The following SLC35A5 variants were observed in gnomAD, a reference collection of about 807,000 sequenced individuals.
SLC35A5 encodes solute carrier family 35 member A5.
Under a neutral mutation model 36.3 loss-of-function variants are expected in SLC35A5, and 28 were observed. The observed-to-expected ratio is 0.77, with a 90% confidence interval of 0.57 to 1.06. The LOEUF (loss-of-function observed/expected upper bound fraction) is 1.06, where lower values mean the gene tolerates loss of function less well. Ranked by LOEUF, SLC35A5 falls within the 50% of genes least tolerant of loss-of-function variation. SLC35A5 has a pLI of 0.00. For synonymous variants in SLC35A5, 180 were observed against 173.7 expected (o/e 1.04, Z -0.29); for missense variants, 521 against 499.3 (o/e 1.04, Z -0.41).
intron 3 of SLC35A5, among the ~76,000 whole-genome samples, chr3:112,569,689 T>A (rs1934355422): frequency 6.6e-6 from 1 of 152,232 alleles, no homozygotes; most frequent in Non-Finnish European, 1.5e-5. Context: ...GGGCAGATTA[T>A]TTTCTCTGAG....
At chr3:112,574,022 TA>T in intron 5 of SLC35A5, 66 bp downstream of exon 5, 1 of 1,349,972 alleles carries the variant, frequency 7.4e-7, no homozygotes, top group Non-Finnish European at 1.1e-6. Flanking sequence ...TCAAATGATA[TA>T]CCCAGAACAC....
In SLC35A5 at chr3:112,582,733, C is replaced by G. The variant is rs1184844563; in HGVS notation, c.1272C>G (p.Phe424Leu). 1 of 1,610,820 alleles carries G rather than the reference C, an allele frequency of 6.2e-7. No individual in the cohort carries two copies. The highest frequency in any genetic ancestry group is 2.2e-5 in the East Asian group (1 of 44,788). ...PKSDESDEDT[F>L] The stretch of plus-strand genomic sequence containing the variant: ...GTGATGAGTCAGATGAAGATACTTT[C>G]TAACTGGTACCCACATAGTTTGCAG... Residue 424 changes from phenylalanine to leucine, a missense_variant, in exon 7 of 7, where the codon TTC (phenylalanine) becomes TTG (leucine). By Grantham distance (22) the Phe-to-Leu change is conservative. Transcript: ENST00000492406.
chr3:112,561,572 T>A, upstream of SLC35A5: 1 of 1,587,030 alleles, frequency 6.3e-7, no homozygotes, highest in South Asian at 1.1e-5. Flanking sequence ...GGATGGAAAG[T>A]GCAGCCGTGT....
Position 112,581,288 on chromosome 3 carries a change from C to T in SLC35A5, c.1171C>T (p.Arg391Ter), listed in dbSNP as rs1288024958. 4 of 1,612,156 alleles carry T rather than the reference C, an allele frequency of 2.5e-6. No individual in the cohort carries two copies. Among genetic ancestry groups the T allele is most frequent in the Middle Eastern group, 1.7e-4 (1 of 6,048 alleles). The change falls in exon 6 of 7, where the codon CGA becomes TGA. Residue 391 changes from arginine (R) to a stop codon, truncating the protein, a stop_gained. Coordinates refer to ENST00000492406, the MANE Select transcript of SLC35A5 (RefSeq NM_017945.5). LOFTEE classifies it high-confidence loss of function. The part of the protein sequence containing the change: ...PEYAPRQERI[R>*]DLSGNLWERS... Reference sequence around the variant, plus strand: ...ATACGCACCTAGGCAAGAAAGGATCCGAGATCTAAGTGGCAATCTTTGGGA... The same window carrying T: ...ATACGCACCTAGGCAAGAAAGGATCTGAGATCTAAGTGGCAATCTTTGGGA...
At chr3:112,561,859 C>G (rs2399431), upstream of SLC35A5, 313,644 of 319,256 alleles carry the variant, frequency 0.98, 154,108 homozygotes, top group Admixed American at 0.99. Flanking sequence ...TCGCCCTCTG[C>G]GAGCTGTCTG....
chr3:112,566,876 G>A (rs1017154657), intron 2 of SLC35A5, among the ~76,000 whole-genome samples: 2 of 152,154 alleles, frequency 1.3e-5, no homozygotes, highest in Admixed American at 6.5e-5. Flanking sequence ...TTTCAGATGC[G>A]AGAGTTTTGA....
intron 4 of SLC35A5, among the ~76,000 whole-genome samples, chr3:112,573,273 A>G (rs975151720): frequency 4.6e-5 from 7 of 152,220 alleles, no homozygotes; most frequent in African/African-American, 1.2e-4. Flanking sequence ...TAATGTATAC[A>G]TGTTCAGATT....
intron 5 of SLC35A5, among the ~76,000 whole-genome samples, chr3:112,575,370 T>C (rs1934618718): frequency 6.6e-6 from 1 of 152,214 alleles, no homozygotes; most frequent in Non-Finnish European, 1.5e-5. Flanking sequence ...AAAGTATGTA[T>C]TGCCTGACTT....
upstream of SLC35A5, chr3:112,561,449 T>G: frequency 4.3e-6 from 7 of 1,612,500 alleles, no homozygotes; most frequent in Non-Finnish European, 5.1e-6. Flanking sequence ...AACCCTGGCC[T>G]GGCTTACCTT....
chr3:112,580,988 GATC>G lies in SLC35A5; in HGVS notation c.873_875del (p.Asp291_Gln292delinsGlu), dbSNP rs749405897. 6.2e-7 allele frequency: 1 copy of G among 1,614,126 alleles called. No individual in the cohort carries two copies. Among genetic ancestry groups the G allele is most frequent in the African/African-American group, 1.3e-5 (1 of 75,050 alleles). ...TCTGGGCCTTCAGAGGAGTAACCGTGATCAGATTAAGAACTGTGGATTTTTTTA... is the reference window on the plus strand; with the variant it reads ...TCTGGGCCTTCAGAGGAGTAACCGTGAGATTAAGAACTGTGGATTTTTTTA... On this transcript the variant is annotated inframe_deletion, in exon 6 of 7. Transcript: ENST00000492406.
At chr3:112,580,455 C>A in intron 5 of SLC35A5, 91 bp from the exon 6 acceptor site, 5 of 1,404,810 alleles carry the variant, frequency 3.6e-6, no homozygotes, top group Non-Finnish European at 3.8e-6. Flanking sequence ...CCAGTTTATT[C>A]AACCAAATAC....
chr3:112,581,453 G>A (rs766564084), intron 6 of SLC35A5, 127 bp downstream of exon 6: 147 of 971,762 alleles, frequency 1.5e-4, no homozygotes, highest in African/African-American at 2.0e-4. Context: ...TTTTAAAACC[G>A]AATCAACAAA....
rs1311715319 is a variant in SLC35A5, at chr3:112,581,204, G to GC, written c.1091dup (p.Ser365IlefsTer10). On this transcript the variant is annotated frameshift_variant, in exon 6 of 7. Transcript: ENST00000492406. LOFTEE classifies it high-confidence loss of function. ...GCCCTCCCTGGAATTTTTCTTGGAA[G>GC]CCCCATCAGTCCTTCTCTCTATATT... 6 of 1,613,716 alleles carry GC rather than the reference G, an allele frequency of 3.7e-6. No individual in the cohort carries two copies. The African/African-American group carries it at 8.0e-5, about 22-fold the overall frequency.
At chr3:112,561,463 G>A, upstream of SLC35A5, 1 of 1,613,518 alleles carries the variant, frequency 6.2e-7, no homozygotes, top group African/African-American at 1.3e-5. Context: ...TTACCTTGAG[G>A]ACCGGGGTCA....
In SLC35A5 at chr3:112,575,440, G is replaced by A. The variant is rs1036256687; in HGVS notation, c.428+1484G>A. 6.0e-5 allele frequency among the ~76,000 whole-genome samples: 9 copies of A among 150,470 alleles called. No individual in the cohort carries two copies. The East Asian group carries it at 1.7e-3, about 29-fold the overall frequency. On this transcript the variant is annotated intron_variant, in intron 5 of 6. Coordinates refer to ENST00000492406, the MANE Select transcript of SLC35A5 (RefSeq NM_017945.5). Reference sequence around the variant, plus strand: ...TAAGTATTCCTTGTTAAATTTTTAAGCATTTAACTATTTGTATTAAGAAAG... The same window carrying A: ...TAAGTATTCCTTGTTAAATTTTTAAACATTTAACTATTTGTATTAAGAAAG...
intron 2 of SLC35A5, among the ~76,000 whole-genome samples, 189 bp from the exon 3 acceptor site, chr3:112,568,982 A>G (rs746782264): frequency 3.9e-5 from 6 of 152,246 alleles, no homozygotes; most frequent in Non-Finnish European, 7.3e-5. Context: ...AAAAAGCCAA[A>G]TGGGATAGGG....
In SLC35A5 at chr3:112,575,466, T is replaced by G. The variant is rs540919357; in HGVS notation, c.428+1510T>G. 7.1e-5 allele frequency among the ~76,000 whole-genome samples: 10 copies of G among 141,818 alleles called. 1 individual carries two copies. In the South Asian group the frequency reaches 1.7e-3, roughly 24 times the overall value. 93.0% of individuals were successfully genotyped at this position (141,818 alleles called of 152,430 possible). A position where few individuals can be genotyped will look rare whatever the true frequency, so the allele number is the denominator to read the frequency against. ...CATTTAACTATTTGTATTAAGAAAGTTCATTCTAAGTTTAAATCTAAATCT... is the reference window on the plus strand; with the variant it reads ...CATTTAACTATTTGTATTAAGAAAGGTCATTCTAAGTTTAAATCTAAATCT... On this transcript the variant is annotated intron_variant, in intron 5 of 6. Coordinates refer to ENST00000492406, the MANE Select transcript of SLC35A5 (RefSeq NM_017945.5).
intron 6 of SLC35A5, among the ~76,000 whole-genome samples, chr3:112,582,073 A>T (rs1934953574): frequency 6.6e-6 from 1 of 152,316 alleles, no homozygotes; most frequent in African/African-American, 2.4e-5. Flanking sequence ...AGTGAAATAG[A>T]CATCTAGCTT....
intron 2 of SLC35A5, among the ~76,000 whole-genome samples, chr3:112,566,740 T>C (rs1423323506): frequency 6.6e-6 from 1 of 152,222 alleles, no homozygotes; most frequent in Non-Finnish European, 1.5e-5. Context: ...GTTTCAGATA[T>C]CAGATTACTT....
Sources: gnomAD v4.1 joint callset for allele counts (sites outside exome capture counted in the v4.1 genomes callset) on GRCh38, gnomAD v4.1.1 for gene constraint, MANE v1.5 for transcripts, NCBI Gene and HGNC (gene_info 2026-07-23, HGNC 2026-07-21) for gene names.